The following KLHL20 variants were observed in gnomAD, a reference collection of about 807,000 sequenced individuals.
KLHL20 encodes kelch like family member 20, also known as kelch-like protein 20.
A neutral mutation model predicts 69.5 loss-of-function variants in KLHL20; 29 were observed. That is an observed-to-expected ratio of 0.42 (90% CI 0.31 to 0.57). The LOEUF (loss-of-function observed/expected upper bound fraction) is 0.57. KLHL20 is among the 20% of genes least tolerant of loss of function. The pLI, the probability that KLHL20 is intolerant of heterozygous loss-of-function variation, is 0.18. For synonymous variants in KLHL20, 253 were observed against 265.2 expected (o/e 0.95, Z 0.45); for missense variants, 419 against 776.0 (o/e 0.54, Z 5.47).
chr1:173,717,688 C>T (rs1320935484), intron 2 of KLHL20, among the ~76,000 whole-genome samples: 1 of 152,164 alleles, frequency 6.6e-6, no homozygotes, highest in Non-Finnish European at 1.5e-5. Context: ...CTTTTAGTCT[C>T]ATGTCTTCCT....
intron 2 of KLHL20, among the ~76,000 whole-genome samples, chr1:173,731,104 A>T (rs1672253201): frequency 6.6e-6 from 1 of 152,222 alleles, no homozygotes; most frequent in African/African-American, 2.4e-5. Flanking sequence ...CAGCCAAAAG[A>T]CACATGAAAA....
intron 11 of KLHL20, among the ~76,000 whole-genome samples, chr1:173,783,646 T>C (rs1649006429): frequency 6.6e-6 from 1 of 152,140 alleles, no homozygotes; most frequent in Non-Finnish European, 1.5e-5. Flanking sequence ...GGTGGGCGGA[T>C]CACCTGAGGT....
chr1:173,737,261 A>G (rs377183148), intron 3 of KLHL20, among the ~76,000 whole-genome samples: 1 of 151,896 alleles, frequency 6.6e-6, no homozygotes, highest in African/African-American at 2.4e-5. Flanking sequence ...TTTTTGTTGC[A>G]TTTGCTTTTG....
intron 2 of KLHL20, among the ~76,000 whole-genome samples, chr1:173,725,684 C>T (rs1671921006): frequency 6.6e-6 from 1 of 152,172 alleles, no homozygotes; most frequent in Non-Finnish European, 1.5e-5. Flanking sequence ...AGGAAATGCC[C>T]AACTTACAGA....
At chr1:173,766,111 TAATAC>T (rs764427059) in intron 7 of KLHL20, 30 bp from the exon 8 acceptor site, 2 of 1,513,792 alleles carry the variant, frequency 1.3e-6, no homozygotes, top group Non-Finnish European at 1.8e-6. Flanking sequence ...TTCCTTTGTG[TAATAC>T]AAACTCTCCT....
At chr1:173,756,953 G>A (rs1291285823) in intron 6 of KLHL20, 23 bp from the exon 7 acceptor site, 2 of 1,609,142 alleles carry the variant, frequency 1.2e-6, no homozygotes, top group East Asian at 4.5e-5. Flanking sequence ...GGATTCTCTT[G>A]ACCATTTCTG....
chr1:173,750,491 T>TC (rs914012971), intron 3 of KLHL20, among the ~76,000 whole-genome samples: 3 of 149,158 alleles, frequency 2.0e-5, no homozygotes, highest in African/African-American at 7.3e-5. Flanking sequence ...TCTTTTTCTT[T>TC]TTTTTTTTTT....
intron 8 of KLHL20, among the ~76,000 whole-genome samples, chr1:173,772,913 CAG>C (rs1305735741): frequency 1.7e-4 from 26 of 152,170 alleles, no homozygotes; most frequent in South Asian, 4.1e-4. Flanking sequence ...GGTTCTAAAA[CAG>C]ATGAATTGCA....
chr1:173,769,736 G>C (rs1386857955), intron 8 of KLHL20, among the ~76,000 whole-genome samples: 4 of 145,128 alleles, frequency 2.8e-5, no homozygotes, highest in Admixed American at 2.1e-4. Context: ...AGCCATGATT[G>C]CTCCACTGCA....
chr1:173,784,278 G>C (rs147795602), intron 11 of KLHL20, among the ~76,000 whole-genome samples: 124 of 152,250 alleles, frequency 8.1e-4, no homozygotes, highest in African/African-American at 2.9e-3. Context: ...TAGCATTTTA[G>C]CAAAACCTAA....
chr1:173,776,591 A>T (rs1415562787), intron 10 of KLHL20, among the ~76,000 whole-genome samples: 1 of 152,120 alleles, frequency 6.6e-6, no homozygotes, highest in East Asian at 1.9e-4. Context: ...TTTTAATTTG[A>T]TTTTTGTATA....
At chr1:173,766,642 A>AG (rs201311932) in intron 8 of KLHL20, among the ~76,000 whole-genome samples, 2,618 of 144,136 alleles carry the variant, frequency 0.018, 68 homozygotes, top group African/African-American at 0.07. Context: ...CCCTGTATCA[A>AG]GGGGGAAAAA....
At chr1:173,748,061 A>ACT (rs61147971) in intron 3 of KLHL20, among the ~76,000 whole-genome samples, 73,934 of 151,670 alleles carry the variant, frequency 0.49, 20,459 homozygotes, top group African/African-American at 0.76. Flanking sequence ...CTATAAATTC[A>ACT]GAGATGAAAT....
chr1:173,784,226 A>G (rs935950589), intron 11 of KLHL20, among the ~76,000 whole-genome samples: 4 of 152,180 alleles, frequency 2.6e-5, no homozygotes, highest in Non-Finnish European at 5.9e-5. Flanking sequence ...AGGGAGGGGA[A>G]TCTGTTTTTA....
chr1:173,732,853 A>G (rs1051352578), intron 2 of KLHL20, among the ~76,000 whole-genome samples: 3 of 152,184 alleles, frequency 2.0e-5, no homozygotes, highest in African/African-American at 7.2e-5. Flanking sequence ...TATCATATTT[A>G]ATATCTCTAG....
intron 3 of KLHL20, chr1:173,741,820 A>G (rs1019926834): frequency 6.3e-7 from 1 of 1,583,536 alleles, no homozygotes; most frequent in Non-Finnish European, 8.6e-7. Flanking sequence ...GTCTTTAGCC[A>G]TGCACAAACT....
chr1:173,756,042 T>G lies in KLHL20; in HGVS notation c.967+4T>G. 1 of 1,592,500 alleles carries G rather than the reference T, an allele frequency of 6.3e-7. No individual in the cohort carries two copies. The highest frequency in any genetic ancestry group is 8.6e-7 in the Non-Finnish European group (1 of 1,161,150). ...TGTGGGGAAGTACTCTTTGCAGGTT[T>G]GGATCTTAATATACTGTTAGTAAAT... On this transcript the variant is annotated splice_donor_region_variant and intron_variant, in intron 6 of 11. Coordinates refer to ENST00000209884, the MANE Select transcript of KLHL20 (RefSeq NM_014458.4).
intron 1 of KLHL20, 24 bp from the exon 2 acceptor site, chr1:173,715,979 G>T: frequency 2.7e-6 from 4 of 1,501,412 alleles, no homozygotes; most frequent in Non-Finnish European, 3.7e-6. Context: ...CTTTTATTAA[G>T]TTCCTGCTTT....
intron 5 of KLHL20, among the ~76,000 whole-genome samples, chr1:173,755,251 G>A (rs1673496948): frequency 6.6e-6 from 1 of 152,000 alleles, no homozygotes; most frequent in South Asian, 2.1e-4. Context: ...TAGAGACGGG[G>A]TTTCACCATA....
Sources: gnomAD v4.1 joint callset for allele counts (sites outside exome capture counted in the v4.1 genomes callset) on GRCh38, gnomAD v4.1.1 for gene constraint, MANE v1.5 for transcripts, NCBI Gene and HGNC (gene_info 2026-07-23, HGNC 2026-07-21) for gene names.